Variants in MALRD1 observed in about 807,000 individuals in gnomAD.
The protein encoded by MALRD1 is MAM and LDL receptor class A domain containing 1, also known as MAM and LDL-receptor class A domain-containing protein 1.
Under a neutral mutation model 242.1 loss-of-function variants are expected in MALRD1, and 247 were observed. That is an observed-to-expected ratio of 1.02 (90% CI 0.92 to 1.13). The LOEUF (loss-of-function observed/expected upper bound fraction) is 1.13, where lower values mean the gene tolerates loss of function less well. Among genes scored for constraint, MALRD1 ranks in the 50% most tolerant of loss-of-function variants. MALRD1 has a pLI of 0.00. For synonymous variants in MALRD1, 995 were observed against 866.6 expected (o/e 1.15, Z -2.60); for missense variants, 2,989 against 2,533.1 (o/e 1.18, Z -3.86).
intron 26 of MALRD1, among the ~76,000 whole-genome samples, chr10:19,359,470 C>T (rs1258667099): frequency 3.3e-5 from 5 of 152,006 alleles, no homozygotes; most frequent in African/African-American, 1.2e-4. Flanking sequence ...GCAAGGGAGG[C>T]TGTTCATCAT....
intron 14 of MALRD1, among the ~76,000 whole-genome samples, chr10:19,184,503 TA>T: frequency 6.6e-6 from 1 of 152,280 alleles, no homozygotes; most frequent in South Asian, 2.1e-4. Context: ...GGATAGATCA[TA>T]AAAAGGGAAA....
chr10:19,189,688 A>C (rs974435588), intron 14 of MALRD1, among the ~76,000 whole-genome samples: 1 of 152,154 alleles, frequency 6.6e-6, no homozygotes, highest in African/African-American at 2.4e-5. Context: ...CACCACATTA[A>C]CAGAACGAAG....
At chr10:19,421,929 A>G (rs184306407) in intron 28 of MALRD1, among the ~76,000 whole-genome samples, 1 of 152,346 alleles carries the variant, frequency 6.6e-6, no homozygotes, top group Non-Finnish European at 1.5e-5. Context: ...TGGAAGGAGC[A>G]TATGACTGGA....
At chr10:19,094,124 T>C (rs1459601655) in intron 4 of MALRD1, among the ~76,000 whole-genome samples, 4 of 110,568 alleles carry the variant, frequency 3.6e-5, no homozygotes, top group Admixed American at 9.7e-5. Context: ...CTCCACCCAG[T>C]TGGAGCTTCC....
At chr10:19,193,103 A>G (rs1836066194) in intron 14 of MALRD1, among the ~76,000 whole-genome samples, 1 of 152,194 alleles carries the variant, frequency 6.6e-6, no homozygotes. Flanking sequence ...GATTTTTCAA[A>G]TATTTCTTCA....
chr10:19,370,065 A>G (rs1054079918), intron 26 of MALRD1, among the ~76,000 whole-genome samples: 34 of 152,120 alleles, frequency 2.2e-4, no homozygotes, highest in Non-Finnish European at 2.9e-5. Context: ...CTGATTCATC[A>G]TGAATTAATG....
In MALRD1 at chr10:19,368,467, A is replaced by G. The variant is rs983553964; in HGVS notation, c.4441+16170A>G. ...ATTTTGGGGTTCTGTATTCTGTTCC[A>G]TTGGTCTATGTTTCTGTTTTTATGC... On this transcript the variant is annotated intron_variant, in intron 26 of 39. Coordinates refer to ENST00000454679, the MANE Select transcript of MALRD1 (RefSeq NM_001142308.3). 2.0e-5 allele frequency among the ~76,000 whole-genome samples: 3 copies of G among 151,940 alleles called. No individual in the cohort carries two copies. In the East Asian group the frequency reaches 5.8e-4, roughly 29 times the overall value.
At chr10:19,284,151 G>C (rs561216057) in intron 21 of MALRD1, among the ~76,000 whole-genome samples, 5 of 152,164 alleles carry the variant, frequency 3.3e-5, no homozygotes, top group African/African-American at 1.2e-4. Flanking sequence ...TTTCTTTATT[G>C]ACTATTAAGG....
At chr10:19,265,405 G>GT (rs1839932592) in intron 19 of MALRD1, among the ~76,000 whole-genome samples, 3 of 151,812 alleles carry the variant, frequency 2.0e-5, no homozygotes, top group Non-Finnish European at 4.4e-5. Context: ...GCTGTATCCC[G>GT]TAAGTTTTGG....
intron 24 of MALRD1, among the ~76,000 whole-genome samples, chr10:19,336,300 A>G (rs1162376981): frequency 6.6e-6 from 1 of 152,154 alleles, no homozygotes; most frequent in Admixed American, 6.6e-5. Flanking sequence ...CATTCTAATT[A>G]GCTTATTTAC....
At chr10:19,058,169 T>G (rs900178195) in intron 1 of MALRD1, among the ~76,000 whole-genome samples, 1 of 152,154 alleles carries the variant, frequency 6.6e-6, no homozygotes. Context: ...TTAGACTAGG[T>G]AAAAGAAAAC....
intron 28 of MALRD1, among the ~76,000 whole-genome samples, chr10:19,401,307 A>G (rs1846832076): frequency 6.6e-6 from 1 of 152,168 alleles, no homozygotes; most frequent in African/African-American, 2.4e-5. Context: ...CTGACTTATT[A>G]ACATATTTAG....
At chr10:19,648,598 A>G (rs1457540769) in intron 36 of MALRD1, among the ~76,000 whole-genome samples, 2 of 152,212 alleles carry the variant, frequency 1.3e-5, no homozygotes, top group Non-Finnish European at 2.9e-5. Flanking sequence ...TATCTCCAGT[A>G]TATAACCTAC....
chr10:19,619,879 C>T (rs868020703), intron 36 of MALRD1, among the ~76,000 whole-genome samples: 3 of 151,950 alleles, frequency 2.0e-5, no homozygotes, highest in Middle Eastern at 3.2e-3. Flanking sequence ...GGTTCAGTGG[C>T]TCACCCTCAC....
At chr10:19,132,762 A>G (rs761475741) in intron 8 of MALRD1, among the ~76,000 whole-genome samples, 14 of 152,196 alleles carry the variant, frequency 9.2e-5, no homozygotes, top group Admixed American at 3.9e-4. Context: ...CATGCATTCT[A>G]TATGTAAACA....
At chr10:19,254,693 A>G (rs114299737) in intron 18 of MALRD1, among the ~76,000 whole-genome samples, 2,006 of 152,040 alleles carry the variant, frequency 0.013, 51 homozygotes, top group African/African-American at 0.046. Context: ...TTTGAGACAG[A>G]AATTCTTATT....
At chr10:19,719,979 A>G (rs1020014633) in intron 38 of MALRD1, among the ~76,000 whole-genome samples, 2 of 152,126 alleles carry the variant, frequency 1.3e-5, no homozygotes, top group Admixed American at 1.3e-4. Flanking sequence ...GTGTACACTC[A>G]ATGAGAATAG....
At chr10:19,150,325 G>GT (rs1296379975) in intron 11 of MALRD1, among the ~76,000 whole-genome samples, 1 of 152,046 alleles carries the variant, frequency 6.6e-6, no homozygotes, top group Non-Finnish European at 1.5e-5. Flanking sequence ...CATTTCAGGT[G>GT]TTTTTACCCC....
At chr10:19,548,714 T>A (rs911298170) in intron 32 of MALRD1, among the ~76,000 whole-genome samples, 28 of 152,178 alleles carry the variant, frequency 1.8e-4, no homozygotes, top group Admixed American at 1.3e-3. Context: ...GACCTGTGGA[T>A]CCCTTGTGTC....
Sources: allele counts gnomAD v4.1 joint callset (sites outside exome capture counted in the v4.1 genomes callset), GRCh38; gene constraint gnomAD v4.1.1; transcripts MANE v1.5; gene names NCBI Gene and HGNC (gene_info 2026-07-23, HGNC 2026-07-21).